Variants in CACNA1A observed in about 807,000 individuals in gnomAD.
The protein encoded by CACNA1A is voltage-dependent P/Q-type calcium channel subunit alpha-1A.
A neutral mutation model predicts 262.4 loss-of-function variants in CACNA1A; 57 were observed. The ratio of observed to expected loss-of-function variants is 0.22; its 90% CI spans 0.18 to 0.27. The LOEUF (loss-of-function observed/expected upper bound fraction) is 0.27. Ranked by LOEUF, CACNA1A falls within the 10% of genes least tolerant of loss-of-function variation. CACNA1A has a pLI of 1.00. For missense variants in CACNA1A, 2,526 were observed against 3,562.8 expected (o/e 0.71, Z 7.41); for synonymous variants, 1,431 against 1,419.3 (o/e 1.01, Z -0.18).
chr19:13,330,368 G>A (rs936611545), intron 9 of CACNA1A, 35 bp from the exon 10 acceptor site: 38 of 1,483,814 alleles, frequency 2.6e-5, no homozygotes, highest in Non-Finnish European at 3.2e-5. Context: ...AGAAAAAGAC[G>A]TTACCCTTTT....
At chr19:13,385,022 C>T (rs1207621963) in intron 3 of CACNA1A, among the ~76,000 whole-genome samples, 1 of 152,134 alleles carries the variant, frequency 6.6e-6, no homozygotes, top group Admixed American at 6.5e-5. Flanking sequence ...AATAAAGTAA[C>T]CACTAGCCAC....
chr19:13,470,693 C>A (rs1473067381), intron 1 of CACNA1A, among the ~76,000 whole-genome samples: 1 of 152,202 alleles, frequency 6.6e-6, no homozygotes, highest in Non-Finnish European at 1.5e-5. Flanking sequence ...ATCATCCAAG[C>A]CCTGCAACGC....
At position 13,241,674 on chromosome 19, in the gene CACNA1A, G is replaced by A. The variant is rs1409991831; in HGVS notation, c.4950+3508C>T. 5 of 658,782 alleles carry A rather than the reference G, an allele frequency of 7.6e-6. No homozygotes were observed. Among genetic ancestry groups the A allele is most frequent in the Admixed American group, 2.1e-5 (1 of 48,004 alleles). The allele number at this position is 658,782 out of a possible 1,614,324, so 40.8% of individuals were successfully genotyped here. ...GCGGGGAGTGGGGGTGGTGGTGGCG[G>A]TGGGTTGGGAGATAAGTCATTGGTG... On this transcript the variant is annotated intron_variant, in intron 31 of 46. Transcript: ENST00000360228. The surrounding 1 kb of genome is among the most constrained non-coding windows in gnomAD (Gnocchi z 4.0).
intron 26 of CACNA1A, chr19:13,260,332 A>ATATATATATATAT (rs1555744847): frequency 1.3e-5 from 1 of 77,136 alleles, no homozygotes; most frequent in Admixed American, 1.1e-4. Context: ...ATATATATAT[A>ATATATATATATAT]TTTTTGTTGT....
intron 3 of CACNA1A, among the ~76,000 whole-genome samples, chr19:13,428,669 A>G (rs73507076): frequency 0.033 from 5,036 of 152,194 alleles, 278 homozygotes; most frequent in African/African-American, 0.11. Context: ...GCAGCCTGTG[A>G]AGGGAAAAGC....
chr19:13,292,294 A>G (rs1267777333), intron 19 of CACNA1A, among the ~76,000 whole-genome samples: 1 of 152,164 alleles, frequency 6.6e-6, no homozygotes, highest in Non-Finnish European at 1.5e-5. Flanking sequence ...AGGAATGAGG[A>G]GAAGACAAAG....
chr19:13,252,916 A>T (rs2056440762), intron 30 of CACNA1A, 75 bp downstream of exon 30: 2 of 956,120 alleles, frequency 2.1e-6, no homozygotes, highest in Non-Finnish European at 3.2e-6. Context: ...ACGTTGGGAG[A>T]CCATCATCCA....
At chr19:13,288,235 CTTT>C (rs570154795) in intron 19 of CACNA1A, among the ~76,000 whole-genome samples, 1 of 147,068 alleles carries the variant, frequency 6.8e-6, no homozygotes, top group East Asian at 2.1e-4. Context: ...CTTTCTTTTT[CTTT>C]TTTCTTTTTT....
At chr19:13,276,935 C>A in intron 23 of CACNA1A, 134 bp downstream of exon 23, 1 of 602,964 alleles carries the variant, frequency 1.7e-6, no homozygotes, top group Non-Finnish European at 3.0e-6. Context: ...TGGCCTCAAC[C>A]TCCTGATCTC....
intron 27 of CACNA1A, chr19:13,257,795 C>T (rs541093987): frequency 5.2e-5 from 16 of 310,192 alleles, no homozygotes; most frequent in African/African-American, 1.9e-4. Flanking sequence ...TGGAGTGCAA[C>T]GGCGTGATCT....
intron 3 of CACNA1A, among the ~76,000 whole-genome samples, chr19:13,374,920 C>T (rs2059380034): frequency 6.6e-6 from 1 of 152,206 alleles, no homozygotes; most frequent in African/African-American, 2.4e-5. Context: ...ATCCTCTTGC[C>T]TTGGCCTCCC....
rs114304871 is a variant in CACNA1A, at chr19:13,333,939, G to A, written c.1198+439C>T. On this transcript the variant is annotated intron_variant, in intron 8 of 46. Transcript: ENST00000360228. ...GGCACACAGCAGGTGCTCCCTAAAT[G>A]TTTGTTAAATGGCTGAACAAATAAA... The A allele has an allele frequency of 3.2e-3, 537 of 167,080 alleles. 2 individuals carry two copies. Among genetic ancestry groups the A allele is most frequent in the African/African-American group, 0.012 (491 of 42,012 alleles). The allele number at this position is 167,080 out of a possible 1,614,324, so 10.3% of individuals were successfully genotyped here.
chr19:13,417,832 G>A (rs2060249406), intron 3 of CACNA1A, among the ~76,000 whole-genome samples: 1 of 149,272 alleles, frequency 6.7e-6, no homozygotes, highest in Non-Finnish European at 1.5e-5. Flanking sequence ...GGAGGTTGCT[G>A]TGAGCTAAGA....
Position 13,427,953 on chromosome 19 carries a change from T to G in CACNA1A, c.539+24923A>C, listed in dbSNP as rs79456101. On this transcript the variant is annotated intron_variant, in intron 3 of 46. Coordinates refer to ENST00000360228, the MANE Select transcript of CACNA1A (RefSeq NM_001127222.2). ...GTGGATAATAACAGGTTGTTTTTTT[T>G]TGTGTGTGTGACAGAGTTTCACTCT... Among the ~76,000 whole-genome samples the G allele has an allele frequency of 4.2e-3, 635 of 152,154 alleles. 2 individuals carry two copies. Among genetic ancestry groups the G allele is most frequent in the East Asian group, 0.026 (134 of 5,180 alleles).
chr19:13,348,393 G>A (rs976164577), intron 6 of CACNA1A, among the ~76,000 whole-genome samples: 5 of 150,238 alleles, frequency 3.3e-5, no homozygotes, highest in Non-Finnish European at 7.4e-5. Context: ...GGAAGAGAGA[G>A]AGAGAACACA....
chr19:13,355,024 G>A lies in CACNA1A; in HGVS notation c.978+4582C>T, dbSNP rs181273986. The stretch of plus-strand genomic sequence containing the variant: ...CAAGTGGCTGGGATTACAGGCACCC[G>A]CCCACCACGCCTGGCTAATTTTTGT... On this transcript the variant is annotated intron_variant, in intron 6 of 46. Transcript: ENST00000360228. Among the ~76,000 whole-genome samples the A allele has an allele frequency of 7.9e-5, 12 of 152,012 alleles. No homozygotes were observed. The South Asian group carries it at 1.0e-3, about 13-fold the overall frequency.
rs540195260 is a variant in CACNA1A at position 13,317,285 on chromosome 19, T to G, written c.1382A>C (p.Lys461Thr). 6 of 1,610,490 alleles carry G rather than the reference T, an allele frequency of 3.7e-6. No homozygotes were observed. The highest frequency in any genetic ancestry group is 5.1e-6 in the Non-Finnish European group (6 of 1,176,964). The change falls in exon 11 of 47, where the codon AAG becomes ACG. Residue 461 changes from lysine to threonine, a missense_variant. This residue lies in a region of CACNA1A where 104 missense variants were observed against 127.6 expected (regional missense o/e 0.81). Transcript: ENST00000360228. ...PFARASIKSA[K>T]LENSTFFHKK... ...GTGAAAAAAGGTCGAGTTCTCCAGC[T>G]TGGCACTTTTAATGCTGGCTCGGGC... is the stretch of plus-strand genomic sequence containing the variant.
At chr19:13,368,574 T>A (rs1224615998) in intron 4 of CACNA1A, among the ~76,000 whole-genome samples, 3 of 152,214 alleles carry the variant, frequency 2.0e-5, no homozygotes, top group Non-Finnish European at 4.4e-5. Context: ...ACCACTATGG[T>A]ATCTACTAGG....
chr19:13,249,695 C>G (rs2056345625), intron 30 of CACNA1A, among the ~76,000 whole-genome samples: 1 of 152,076 alleles, frequency 6.6e-6, no homozygotes, highest in African/African-American at 2.4e-5. Flanking sequence ...CAGGCTTCAT[C>G]CTCAACCCTC....
Sources: allele counts gnomAD v4.1 joint callset (sites outside exome capture counted in the v4.1 genomes callset), GRCh38; gene constraint gnomAD v4.1.1; regional missense constraint gnomAD v4.1.1; non-coding constraint Gnocchi (gnomAD v3.1); transcripts MANE v1.5; gene names NCBI Gene and HGNC (gene_info 2026-07-23, HGNC 2026-07-21).